LRRC37A2: variants seen among roughly 807,000 people sequenced by gnomAD.
LRRC37A2 encodes the protein leucine-rich repeat-containing protein 37A2.
In LRRC37A2, 9 loss-of-function variants were observed where a neutral mutation model predicts 68.8. That is an observed-to-expected ratio of 0.13 (90% CI 0.08 to 0.23). The LOEUF (loss-of-function observed/expected upper bound fraction) is 0.23, where lower values mean the gene tolerates loss of function less well. Ranked by LOEUF, LRRC37A2 falls within the 10% of genes least tolerant of loss-of-function variation. The pLI is 1.00. For missense variants in LRRC37A2, 168 were observed against 950.4 expected (o/e 0.18, Z 10.82); for synonymous variants, 63 against 367.6 (o/e 0.17, Z 9.48).
chr17:47,024,026 A>G, the LRRC37A2 span, among the ~76,000 whole-genome samples: 1 of 152,200 alleles, frequency 6.6e-6, no homozygotes, highest in African/African-American at 2.4e-5. Context: ...GATCTTTTGT[A>G]ACGATGTTTA....
chr17:46,977,085 G>A, the LRRC37A2 span, among the ~76,000 whole-genome samples: 1 of 152,160 alleles, frequency 6.6e-6, no homozygotes, highest in Non-Finnish European at 1.5e-5. Flanking sequence ...GAGCACTTGG[G>A]AGCCAGGACG....
chr17:46,676,589 A>G, the LRRC37A2 span, among the ~76,000 whole-genome samples: 1 of 142,156 alleles, frequency 7.0e-6, no homozygotes, highest in African/African-American at 2.8e-5. Flanking sequence ...ATTTGAATGA[A>G]TGTATGCTAC....
chr17:46,821,807 C>G, the LRRC37A2 span, among the ~76,000 whole-genome samples: 1 of 152,182 alleles, frequency 6.6e-6, no homozygotes, highest in Non-Finnish European at 1.5e-5. Flanking sequence ...GATGTGCACT[C>G]CCCCGGGGCT....
chr17:46,984,630 C>G, the LRRC37A2 span, among the ~76,000 whole-genome samples: 1 of 152,156 alleles, frequency 6.6e-6, no homozygotes, highest in Non-Finnish European at 1.5e-5. Context: ...AACCTTTAGC[C>G]CTCTGGCATG....
At chr17:46,904,344 G>A in the LRRC37A2 span, among the ~76,000 whole-genome samples, 4 of 151,324 alleles carry the variant, frequency 2.6e-5, no homozygotes, top group South Asian at 2.1e-4. Flanking sequence ...GGGGTGGATG[G>A]GTGGATGGAT....
chr17:46,822,555 G>C, the LRRC37A2 span, among the ~76,000 whole-genome samples: 1 of 152,238 alleles, frequency 6.6e-6, no homozygotes, highest in African/African-American at 2.4e-5. Flanking sequence ...GGCGAGGAAG[G>C]GGTCGCGCCT....
the LRRC37A2 span, among the ~76,000 whole-genome samples, chr17:46,892,121 G>A: frequency 4.6e-5 from 7 of 151,884 alleles, no homozygotes; most frequent in South Asian, 2.1e-4. Flanking sequence ...GTTTCACCAC[G>A]TTGGCCAGAC....
the LRRC37A2 span, among the ~76,000 whole-genome samples, chr17:46,757,853 G>A: frequency 6.6e-6 from 1 of 152,060 alleles, no homozygotes; most frequent in Admixed American, 6.6e-5. Context: ...AAACAGCCGG[G>A]TGTGGTGGCA....
chr17:47,028,381 A>G, the LRRC37A2 span: 3 of 1,350,488 alleles, frequency 2.2e-6, no homozygotes, highest in South Asian at 3.6e-5. Context: ...TAGAAGATGA[A>G]TACATGTAAA....
chr17:47,029,694 G>A, the LRRC37A2 span, among the ~76,000 whole-genome samples: 95 of 152,268 alleles, frequency 6.2e-4, no homozygotes, highest in East Asian at 0.013. Context: ...GTCCCTCCAC[G>A]AAGAGGTTTA....
chr17:46,759,649 C>G, the LRRC37A2 span, among the ~76,000 whole-genome samples: 1 of 152,218 alleles, frequency 6.6e-6, no homozygotes, highest in Non-Finnish European at 1.5e-5. Context: ...AAGAACATGT[C>G]CCTATGCCCA....
the LRRC37A2 span, among the ~76,000 whole-genome samples, chr17:47,003,968 G>A: frequency 0.018 from 2,809 of 152,306 alleles, 42 homozygotes; most frequent in Middle Eastern, 0.075. Flanking sequence ...AGAACATGCA[G>A]TGTTTGGTTT....
the LRRC37A2 span, among the ~76,000 whole-genome samples, chr17:46,806,499 G>A: frequency 3.3e-5 from 5 of 152,094 alleles, no homozygotes; most frequent in African/African-American, 9.7e-5. Flanking sequence ...GTGAGCCACC[G>A]CGCCCAGCTG....
At chr17:47,023,806 G>A in the LRRC37A2 span, among the ~76,000 whole-genome samples, 4 of 152,090 alleles carry the variant, frequency 2.6e-5, no homozygotes, top group African/African-American at 9.7e-5. Flanking sequence ...TGTTGGCCAG[G>A]CTGGTCTCAA....
chr17:46,823,035 A>T, the LRRC37A2 span, among the ~76,000 whole-genome samples: 268 of 131,968 alleles, frequency 2.0e-3, no homozygotes, highest in African/African-American at 7.4e-3. Flanking sequence ...ATTTATAATA[A>T]ATATGTATTT....
the LRRC37A2 span, among the ~76,000 whole-genome samples, chr17:46,739,595 A>G: frequency 4.6e-5 from 7 of 152,040 alleles, no homozygotes; most frequent in Non-Finnish European, 7.4e-5. Flanking sequence ...GAGGCCTTCC[A>G]GAGAGCAAGG....
chr17:46,872,450 T>C, the LRRC37A2 span: 1 of 1,430,740 alleles, frequency 7.0e-7, no homozygotes, highest in Non-Finnish European at 9.2e-7. Context: ...AGGAGGCCCC[T>C]TCCCTTCATT....
chr17:46,844,103 G>A, the LRRC37A2 span, among the ~76,000 whole-genome samples: 2 of 151,986 alleles, frequency 1.3e-5, no homozygotes, highest in Admixed American at 1.3e-4. Context: ...ACAGGCATGT[G>A]CCACAATGCC....
At chr17:46,490,255 A>C in the LRRC37A2 span, among the ~76,000 whole-genome samples, 1 of 151,272 alleles carries the variant, frequency 6.6e-6, no homozygotes, top group African/African-American at 2.5e-5. Context: ...TAAGTAAACA[A>C]ATGAGTGTGG....
Sources: gnomAD v4.1 joint callset for allele counts (sites outside exome capture counted in the v4.1 genomes callset) on GRCh38, gnomAD v4.1.1 for gene constraint, MANE v1.5 for transcripts, NCBI Gene and HGNC (gene_info 2026-07-23, HGNC 2026-07-21) for gene names.